Variants in PSMB7 observed in about 807,000 individuals in gnomAD.
The protein encoded by PSMB7 is proteasome subunit beta type-7.
A neutral mutation model predicts 28.1 loss-of-function variants in PSMB7; 5 were observed. The ratio of observed to expected loss-of-function variants is 0.18; its 90% CI spans 0.09 to 0.37. The LOEUF is 0.37. Among genes scored for constraint, PSMB7 ranks in the 10% least tolerant of loss-of-function variants. The pLI, the probability that PSMB7 is intolerant of heterozygous loss-of-function variation, is 1.00. For missense variants in PSMB7, 275 were observed against 346.2 expected, an observed-to-expected ratio of 0.79 and a Z score of 1.63; for synonymous variants, 122 against 123.7, an observed-to-expected ratio of 0.99 and a Z score of 0.09.
chr9:124,353,871 C>T (rs1830364784), intron 7 of PSMB7, among the ~76,000 whole-genome samples, 162 bp from the exon 8 acceptor site: 1 of 152,230 alleles, frequency 6.6e-6, no homozygotes, highest in Non-Finnish European at 1.5e-5. Flanking sequence ...TCAACTTCCT[C>T]AGTTCTCAAG....
intron 5 of PSMB7, among the ~76,000 whole-genome samples, chr9:124,400,179 T>A (rs1010569406): frequency 1.2e-4 from 18 of 152,268 alleles, no homozygotes; most frequent in Non-Finnish European, 8.8e-5. Flanking sequence ...ACGGAGCCCT[T>A]GTGCACCACA....
intron 4 of PSMB7, 102 bp downstream of exon 4, chr9:124,412,250 T>C: frequency 5.1e-6 from 6 of 1,185,884 alleles, no homozygotes; most frequent in Non-Finnish European, 4.8e-6. Context: ...AAAATGTGTA[T>C]TTCTGAATGT....
At chr9:124,407,127 G>A (rs927861993) in intron 4 of PSMB7, among the ~76,000 whole-genome samples, 4 of 152,124 alleles carry the variant, frequency 2.6e-5, no homozygotes, top group Non-Finnish European at 4.4e-5. Flanking sequence ...TCTTTGGGAA[G>A]GAAAACAAAA....
At chr9:124,366,026 C>CA (rs1230138483) in intron 6 of PSMB7, among the ~76,000 whole-genome samples, 1 of 152,082 alleles carries the variant, frequency 6.6e-6, no homozygotes, top group Non-Finnish European at 1.5e-5. Context: ...CCTGGCCCTG[C>CA]AAAGGTCTAC....
intron 7 of PSMB7, 65 bp from the exon 8 acceptor site, chr9:124,353,774 A>G: frequency 8.2e-7 from 1 of 1,224,436 alleles, no homozygotes; most frequent in Non-Finnish European, 1.2e-6. Flanking sequence ...GGCAGAAGAC[A>G]GTGAAAATAA....
At chr9:124,388,175 C>T (rs1025534654) in intron 5 of PSMB7, among the ~76,000 whole-genome samples, 21 of 152,238 alleles carry the variant, frequency 1.4e-4, no homozygotes, top group African/African-American at 5.1e-4. Context: ...TTTGAAGGAT[C>T]ATTTGCTCTG....
Position 124,415,232 on chromosome 9 carries a change from C to A in PSMB7, c.62+132G>T, listed in dbSNP as rs943672680. On this transcript the variant is annotated intron_variant, in intron 1 of 7. Coordinates refer to ENST00000259457, the MANE Select transcript of PSMB7 (RefSeq NM_002799.4). ...CGCCCAGGCCCTGATTCCCCTGAGTCACACTAGCCGCGGGCCACAGGCCCC... is the reference window on the plus strand; with the variant it reads ...CGCCCAGGCCCTGATTCCCCTGAGTAACACTAGCCGCGGGCCACAGGCCCC... 9.8e-6 allele frequency: 10 copies of A among 1,022,482 alleles called. No homozygotes were observed. The South Asian group carries it at 1.3e-4, about 13-fold the overall frequency. The allele number at this position is 1,022,482 out of a possible 1,614,324, so 63.3% of individuals were successfully genotyped here.
chr9:124,413,157 A>C (rs1439852793), intron 3 of PSMB7, among the ~76,000 whole-genome samples: 1 of 149,406 alleles, frequency 6.7e-6, no homozygotes, highest in East Asian at 2.0e-4. Context: ...CTCTCCCAAA[A>C]AAAAAAAAAA....
chr9:124,356,615 G>A lies in PSMB7; in HGVS notation c.722+149C>T. ...CCCACTGTCATAAAGCAAGTAACAA[G>A]CCGAAGGTCTGTGTGGGAGGTTGAT... On this transcript the variant is annotated intron_variant, in intron 7 of 7. Transcript: ENST00000259457. This position sits in a 1 kb window ranked among gnomAD's most constrained non-coding sequence, Gnocchi z 4.4. 1 of 877,118 alleles carries A rather than the reference G, an allele frequency of 1.1e-6. No individual in the cohort carries two copies. Among genetic ancestry groups the A allele is most frequent in the Non-Finnish European group, 1.7e-6 (1 of 586,308 alleles). The allele number at this position is 877,118 out of a possible 1,614,324, so 54.3% of individuals were successfully genotyped here.
At chr9:124,380,940 TA>T (rs1480135998) in intron 6 of PSMB7, among the ~76,000 whole-genome samples, 1 of 152,242 alleles carries the variant, frequency 6.6e-6, no homozygotes, top group Non-Finnish European at 1.5e-5. Context: ...AGTTATGGTT[TA>T]AAAAATAGAA....
chr9:124,391,720 G>T (rs946227008), intron 5 of PSMB7, among the ~76,000 whole-genome samples: 1 of 151,404 alleles, frequency 6.6e-6, no homozygotes, highest in African/African-American at 2.4e-5. Context: ...AGCTTACCAG[G>T]ATTAGTAACT....
Position 124,356,808 on chromosome 9 carries a change from C to T in PSMB7, c.678G>A (p.Leu226=). The change falls in exon 7 of 8, where the codon CTG becomes CTA. Residue 226 remains leucine (L), a synonymous_variant. Coordinates refer to ENST00000259457, the MANE Select transcript of PSMB7 (RefSeq NM_002799.4). The surrounding 1 kb of genome is among the most constrained non-coding windows in gnomAD (Gnocchi z 4.4). ...GCACTGTGTATGGGCGGAGAAAATC[C>T]AGCTTGTTCTTGCTGATGACGCAGA... ...IDLCVISKNK[L]DFLRPYTVPN... 1.2e-6 allele frequency: 2 copies of T among 1,614,144 alleles called. No individual in the cohort carries two copies. The highest frequency in any genetic ancestry group is 1.7e-6 in the Non-Finnish European group (2 of 1,180,010).
chr9:124,360,683 C>CT (rs1830457324), intron 6 of PSMB7, among the ~76,000 whole-genome samples: 1 of 152,248 alleles, frequency 6.6e-6, no homozygotes, highest in Non-Finnish European at 1.5e-5. Context: ...TAAACACCAG[C>CT]TGGGGAACCC....
chr9:124,396,411 A>G (rs1381619257), intron 5 of PSMB7, among the ~76,000 whole-genome samples: 1 of 152,220 alleles, frequency 6.6e-6, no homozygotes, highest in Non-Finnish European at 1.5e-5. Context: ...GTTCTCACTT[A>G]ATTGTAAGAT....
chr9:124,384,141 C>G (rs993485447), intron 6 of PSMB7: 1 of 155,320 alleles, frequency 6.4e-6, no homozygotes, highest in East Asian at 1.9e-4. Flanking sequence ...GTCTTGTCCC[C>G]ATCTTCTGCC....
At chr9:124,401,612 G>A (rs991767961) in intron 5 of PSMB7, among the ~76,000 whole-genome samples, 3 of 152,120 alleles carry the variant, frequency 2.0e-5, no homozygotes, top group African/African-American at 4.8e-5. Context: ...TCCTGCCCTC[G>A]TCAGTAGGTA....
At chr9:124,389,618 G>A in intron 5 of PSMB7, among the ~76,000 whole-genome samples, 1 of 151,854 alleles carries the variant, frequency 6.6e-6, no homozygotes, top group East Asian at 1.9e-4. Flanking sequence ...AGGGAGGCAG[G>A]GAGGACAAAT....
intron 6 of PSMB7, among the ~76,000 whole-genome samples, chr9:124,383,112 G>A (rs958052722): frequency 1.3e-5 from 2 of 152,048 alleles, no homozygotes; most frequent in African/African-American, 4.8e-5. Context: ...AGAAAACTGG[G>A]GAACTTTTTT....
In PSMB7 at chr9:124,385,235, G is replaced by A. The variant is rs77526275; in HGVS notation, c.512-579C>T. On this transcript the variant is annotated intron_variant, in intron 5 of 7. Transcript: ENST00000259457. ...CTTTATTATGTGGCATTTATTTGGAGCTATTATTTTTAGTTTGTACTTTGA... is the reference window on the plus strand; with the variant it reads ...CTTTATTATGTGGCATTTATTTGGAACTATTATTTTTAGTTTGTACTTTGA... 3.7e-3 allele frequency among the ~76,000 whole-genome samples: 565 copies of A among 152,340 alleles called. 4 individuals are homozygous for A. The highest frequency in any genetic ancestry group is 0.013 in the African/African-American group (544 of 41,578).
Sources: allele counts gnomAD v4.1 joint callset (sites outside exome capture counted in the v4.1 genomes callset), GRCh38; gene constraint gnomAD v4.1.1; non-coding constraint Gnocchi (gnomAD v3.1); transcripts MANE v1.5; gene names NCBI Gene and HGNC (gene_info 2026-07-23, HGNC 2026-07-21).